The following KIF21A variants were observed in gnomAD, a reference collection of about 807,000 sequenced individuals.
The protein encoded by KIF21A is kinesin-like protein KIF21A.
In KIF21A, 114 loss-of-function variants were observed where a neutral mutation model predicts 202.9. The ratio of observed to expected loss-of-function variants is 0.56; its 90% CI spans 0.48 to 0.66. The LOEUF is 0.66. Among genes scored for constraint, KIF21A ranks in the 30% least tolerant of loss-of-function variants. KIF21A has a pLI of 0.00. For synonymous variants in KIF21A, 667 were observed against 670.8 expected (o/e 0.99, Z 0.09); for missense variants, 1,677 against 1,994.9 (o/e 0.84, Z 3.04).
In KIF21A at chr12:39,315,887, C is replaced by T. The variant is rs376865398; in HGVS notation, c.3947+45G>A. 22 of 1,451,480 alleles carry T rather than the reference C, an allele frequency of 1.5e-5. No homozygotes were observed. The African/African-American group carries it at 2.4e-4, about 16-fold the overall frequency. 89.9% of individuals were successfully genotyped at this position (1,451,480 alleles called of 1,614,324 possible). A position where few individuals can be genotyped will look rare whatever the true frequency, so the allele number is the denominator to read the frequency against. On this transcript the variant is annotated intron_variant, in intron 30 of 37. Transcript: ENST00000361418. ...GAATTTCTAGGAAGGCACTTTAGAACATCAATGAAATTCCAGAATGTAGGA... is the reference window on the plus strand; with the variant it reads ...GAATTTCTAGGAAGGCACTTTAGAATATCAATGAAATTCCAGAATGTAGGA...
At chr12:39,351,567 C>T (rs1948383161) in intron 11 of KIF21A, among the ~76,000 whole-genome samples, 1 of 151,836 alleles carries the variant, frequency 6.6e-6, no homozygotes, top group African/African-American at 2.4e-5. Context: ...AAATAAAATT[C>T]ATTACCATGT....
chr12:39,309,543 A>C, intron 33 of KIF21A, 43 bp downstream of exon 33: 21 of 1,390,936 alleles, frequency 1.5e-5, no homozygotes, highest in Non-Finnish European at 2.0e-5. Context: ...AAAAAAAAGA[A>C]GAGCTATTCC....
intron 7 of KIF21A, 26 bp downstream of exon 7, chr12:39,363,072 A>T (rs1409772824): frequency 3.8e-6 from 5 of 1,316,098 alleles, no homozygotes; most frequent in Non-Finnish European, 5.5e-6. Flanking sequence ...CAAAAGTCTG[A>T]GTAGAGGATA....
At chr12:39,336,799 T>C (rs1947012536) in intron 17 of KIF21A, among the ~76,000 whole-genome samples, 1 of 152,176 alleles carries the variant, frequency 6.6e-6, no homozygotes, top group South Asian at 2.1e-4. Context: ...ATACTGCAAC[T>C]AGTTCCTTGG....
chr12:39,309,629 C>G lies in KIF21A; in HGVS notation c.4234G>C (p.Val1412Leu). 6.2e-7 allele frequency: 1 copy of G among 1,612,200 alleles called. No individual in the cohort carries two copies. Among genetic ancestry groups the G allele is most frequent in the African/African-American group, 1.3e-5 (1 of 74,884 alleles). Reference sequence around the variant, plus strand: ...TTTGCTGAATCTCTGATATCCCACACCTTAATATAAGATGTTGATACAGTG... The same window carrying G: ...TTTGCTGAATCTCTGATATCCCACAGCTTAATATAAGATGTTGATACAGTG... ...VFTVSTSYIKVWDIRDSAKCI... is the reference protein window; with the variant it reads ...VFTVSTSYIKLWDIRDSAKCI... Residue 1412 changes from valine to leucine, a missense_variant, in exon 33 of 38, where the codon GTG (valine) becomes CTG (leucine). Physicochemically the swap from Val to Leu is conservative, Grantham distance 32. This residue lies in a region of KIF21A where 705 missense variants were observed against 791.9 expected (regional missense o/e 0.89). Transcript: ENST00000361418.
intron 1 of KIF21A, among the ~76,000 whole-genome samples, chr12:39,434,153 T>C (rs1938348592): frequency 6.6e-6 from 1 of 152,216 alleles, no homozygotes; most frequent in South Asian, 2.1e-4. Context: ...TCAAGAGGCC[T>C]GCAGGCCTGC....
intron 12 of KIF21A, among the ~76,000 whole-genome samples, chr12:39,346,229 C>T (rs1947879745): frequency 6.6e-6 from 1 of 151,924 alleles, no homozygotes; most frequent in Non-Finnish European, 1.5e-5. Context: ...ATTCTGTAAT[C>T]ACATGAAACT....
intron 1 of KIF21A, among the ~76,000 whole-genome samples, chr12:39,396,296 C>A (rs1391816460): frequency 6.6e-6 from 1 of 152,128 alleles, no homozygotes; most frequent in Non-Finnish European, 1.5e-5. Flanking sequence ...TCCTTCCCAA[C>A]CCTCACCTCT....
At position 39,318,136 on chromosome 12, in the gene KIF21A, T is replaced by C. The variant is rs752800426; in HGVS notation, c.3845A>G (p.Asn1282Ser). 1 of 1,613,682 alleles carries C rather than the reference T, an allele frequency of 6.2e-7. No individual in the cohort carries two copies. Among genetic ancestry groups the C allele is most frequent in the Non-Finnish European group, 8.5e-7 (1 of 1,179,678 alleles). Residue 1282 changes from asparagine to serine, a missense_variant, in exon 29 of 38, where the codon AAT becomes AGT. Around this residue, in one of 3 missense-constraint regions of KIF21A, gnomAD observed 705 missense variants for 791.9 expected, o/e 0.89. Transcript: ENST00000361418. Reference sequence around the variant, plus strand: ...AAGACGATTAAAAACATTCAGTTCATTACGGGGCCGGCTTGGTGGGGAAGA... The same window carrying C: ...AAGACGATTAAAAACATTCAGTTCACTACGGGGCCGGCTTGGTGGGGAAGA... ...PPSSPPSRPR[N>S]ELNVFNRLTV...
At chr12:39,317,937 A>G in intron 29 of KIF21A, 136 bp downstream of exon 29, 1 of 855,644 alleles carries the variant, frequency 1.2e-6, no homozygotes, top group Admixed American at 2.0e-5. Context: ...CATTGGAAAG[A>G]TGCATAAAAT....
chr12:39,415,663 A>C (rs1237521952), intron 1 of KIF21A, among the ~76,000 whole-genome samples: 2 of 152,140 alleles, frequency 1.3e-5, no homozygotes, highest in South Asian at 4.1e-4. Context: ...TAGAAAAGAC[A>C]CTTTATTAGT....
intron 6 of KIF21A, among the ~76,000 whole-genome samples, 175 bp from the exon 7 acceptor site, chr12:39,363,388 T>TA (rs1210592891): frequency 6.6e-6 from 1 of 152,048 alleles, no homozygotes; most frequent in East Asian, 1.9e-4. Context: ...TACATATATA[T>TA]TAGTACTATA....
At position 39,421,723 on chromosome 12, in the gene KIF21A, T is replaced by TTTTA. The variant is rs944109985; in HGVS notation, c.44+21203_44+21204insTAAA. On this transcript the variant is annotated intron_variant, in intron 1 of 37. Coordinates refer to ENST00000361418, the MANE Select transcript of KIF21A (RefSeq NM_001173464.2). ...AAATAAATAAATAAATATATATAAT[T>TTTTA]TATATATATATATATATATACACAT... 1.1e-3 allele frequency among the ~76,000 whole-genome samples: 144 copies of TTTTA among 135,000 alleles called. 1 individual carries two copies. The highest frequency in any genetic ancestry group is 3.8e-3 in the African/African-American group (136 of 35,876). The allele number at this position is 135,000 out of a possible 152,430, so 88.6% of individuals were successfully genotyped here. A position where few individuals can be genotyped will look rare whatever the true frequency, so the allele number is the denominator to read the frequency against.
intron 1 of KIF21A, among the ~76,000 whole-genome samples, chr12:39,431,440 G>T (rs1592722709): frequency 6.6e-6 from 1 of 152,304 alleles, no homozygotes; most frequent in Non-Finnish European, 1.5e-5. Context: ...GGAGGTTAAA[G>T]GGAAGGCTAT....
In KIF21A at chr12:39,416,715, G is replaced by GTATA. The variant is rs35740569; in HGVS notation, c.44+26208_44+26211dup. Among the ~76,000 whole-genome samples the GTATA allele has an allele frequency of 7.9e-3, 588 of 74,248 alleles. 59 individuals are homozygous for GTATA. The highest frequency in any genetic ancestry group is 0.038 in the African/African-American group (517 of 13,736). The allele number at this position is 74,248 out of a possible 152,430, so 48.7% of individuals were successfully genotyped here. A position where few individuals can be genotyped will look rare whatever the true frequency, so the allele number is the denominator to read the frequency against. ...TATATATATGTACATATATATGTGTGTATATATGTACATATATATGTGTAT... is the reference window on the plus strand; with the variant it reads ...TATATATATGTACATATATATGTGTGTATATATATATGTACATATATATGTGTAT... On this transcript the variant is annotated intron_variant, in intron 1 of 37. Transcript: ENST00000361418.
intron 1 of KIF21A, among the ~76,000 whole-genome samples, chr12:39,440,751 C>T (rs978234542): frequency 1.3e-5 from 2 of 152,158 alleles, no homozygotes; most frequent in Non-Finnish European, 2.9e-5. Context: ...TTTATCCAGG[C>T]GCAGTGGCTA....
At chr12:39,347,493 A>T (rs1344885998) in intron 11 of KIF21A, among the ~76,000 whole-genome samples, 1 of 151,984 alleles carries the variant, frequency 6.6e-6, no homozygotes, top group Admixed American at 6.6e-5. Flanking sequence ...TATTTTTCAG[A>T]ATTATCAATA....
At position 39,442,956 on chromosome 12, in the gene KIF21A, C is replaced by A; in HGVS notation, c.15G>T (p.Pro5=). 1.3e-6 allele frequency: 2 copies of A among 1,522,820 alleles called. No homozygotes were observed. The highest frequency in any genetic ancestry group is 2.1e-4 in the Middle Eastern group (1 of 4,708). The allele number at this position is 1,522,820 out of a possible 1,614,324, so 94.3% of individuals were successfully genotyped here. MLGA[P]DESSVRVAVR... ...CAGCCACCCGCACGGAGCTCTCGTC[C>A]GGGGCGCCCAACATGCTGGCGGCGG... is the stretch of plus-strand genomic sequence containing the variant. The change falls in exon 1 of 38, where the codon CCG becomes CCT. Residue 5 remains proline, a synonymous_variant. Transcript: ENST00000361418. This position sits in a 1 kb window ranked among gnomAD's most constrained non-coding sequence, Gnocchi z 5.0.
chr12:39,428,249 A>C (rs1481520668), intron 1 of KIF21A, among the ~76,000 whole-genome samples: 1 of 152,234 alleles, frequency 6.6e-6, no homozygotes, highest in African/African-American at 2.4e-5. Context: ...ATTTCACAGT[A>C]AACCAACTTT....
Sources: gnomAD v4.1 joint callset for allele counts (sites outside exome capture counted in the v4.1 genomes callset) on GRCh38, gnomAD v4.1.1 for gene constraint, gnomAD v4.1.1 regional missense constraint, Gnocchi (gnomAD v3.1) non-coding constraint, MANE v1.5 for transcripts, NCBI Gene and HGNC (gene_info 2026-07-23, HGNC 2026-07-21) for gene names.